The following KCTD7 variants were observed in gnomAD, a reference collection of about 807,000 sequenced individuals.
The protein encoded by KCTD7 is BTB/POZ domain-containing protein KCTD7.
Under a neutral mutation model 27.0 loss-of-function variants are expected in KCTD7, and 15 were observed. That is an observed-to-expected ratio of 0.56 (90% CI 0.37 to 0.86). The LOEUF (loss-of-function observed/expected upper bound fraction) is 0.86, where lower values mean the gene tolerates loss of function less well. KCTD7 is among the 40% of genes least tolerant of loss of function. KCTD7 has a pLI of 0.00. For synonymous variants in KCTD7, 159 were observed against 162.7 expected, an observed-to-expected ratio of 0.98 and a Z score of 0.17; for missense variants, 299 against 398.9, an observed-to-expected ratio of 0.75 and a Z score of 2.13.
At chr7:66,635,321 G>T (rs1786561587) in intron 2 of KCTD7, among the ~76,000 whole-genome samples, 1 of 152,124 alleles carries the variant, frequency 6.6e-6, no homozygotes, top group Admixed American at 6.6e-5. Flanking sequence ...CGGCCCGGCC[G>T]AGACTCTGTG....
intron 2 of KCTD7, among the ~76,000 whole-genome samples, 163 bp from the exon 3 acceptor site, chr7:66,638,090 T>TC (rs1786627761): frequency 6.6e-6 from 1 of 152,226 alleles, no homozygotes; most frequent in Non-Finnish European, 1.5e-5. Flanking sequence ...TATTGTTTTC[T>TC]CCAATTTTAC....
At position 66,641,063 on chromosome 7, in the gene KCTD7, T is replaced by C; in HGVS notation, c.*1831T>C. ...AGGGCGTGGTTTTGCACTCCTGTTG[T>C]ACTCTTTTAGAGGTGGAAAAGAGGT... On this transcript the variant is annotated 3_prime_UTR_variant, in exon 4 of 4. Coordinates refer to ENST00000639828, the MANE Select transcript of KCTD7 (RefSeq NM_153033.5). 1 of 985,386 alleles carries C rather than the reference T, an allele frequency of 1.0e-6. No homozygotes were observed. The highest frequency in any genetic ancestry group is 1.2e-6 in the Non-Finnish European group (1 of 829,912). 61.0% of individuals were successfully genotyped at this position (985,386 alleles called of 1,614,324 possible).
In KCTD7 at chr7:66,641,790, G is replaced by A; in HGVS notation, c.*2558G>A. 2 of 985,466 alleles carry A rather than the reference G, an allele frequency of 2.0e-6. No homozygotes were observed. The highest frequency in any genetic ancestry group is 2.4e-6 in the Non-Finnish European group (2 of 829,954). 61.0% of individuals were successfully genotyped at this position (985,466 alleles called of 1,614,324 possible). A position where few individuals can be genotyped will look rare whatever the true frequency, so the allele number is the denominator to read the frequency against. On this transcript the variant is annotated 3_prime_UTR_variant, in exon 4 of 4. Coordinates refer to ENST00000639828, the MANE Select transcript of KCTD7 (RefSeq NM_153033.5). ...AGGCTGAAAAGTGCAATTAGATGTG[G>A]TGGATTGTGGTAACGGCCTCCAGAT... is the stretch of plus-strand genomic sequence containing the variant.
chr7:66,642,153 A>G lies in KCTD7; in HGVS notation c.*2921A>G, dbSNP rs1323674134. On this transcript the variant is annotated 3_prime_UTR_variant, in exon 4 of 4. Transcript: ENST00000639828. Reference sequence around the variant, plus strand: ...AAATAAAAAAGCTAATGTTATAGCAACAAAAAAAGACTGAAGCAAAACCAC... The same window carrying G: ...AAATAAAAAAGCTAATGTTATAGCAGCAAAAAAAGACTGAAGCAAAACCAC... 2.1e-5 allele frequency: 21 copies of G among 985,326 alleles called. No individual in the cohort carries two copies. The South Asian group carries it at 3.8e-4, about 18-fold the overall frequency. The allele number at this position is 985,326 out of a possible 1,614,324, so 61.0% of individuals were successfully genotyped here.
chr7:66,632,263 G>T (rs961893546), intron 1 of KCTD7, among the ~76,000 whole-genome samples: 1 of 151,840 alleles, frequency 6.6e-6, no homozygotes, highest in Non-Finnish European at 1.5e-5. Flanking sequence ...CAAGGCGGGC[G>T]GATCATGAGG....
In KCTD7 at chr7:66,641,802, A is replaced by G; in HGVS notation, c.*2570A>G. 1 of 985,484 alleles carries G rather than the reference A, an allele frequency of 1.0e-6. No homozygotes were observed. Among genetic ancestry groups the G allele is most frequent in the Non-Finnish European group, 1.2e-6 (1 of 829,950 alleles). The allele number at this position is 985,484 out of a possible 1,614,324, so 61.0% of individuals were successfully genotyped here. ...GCAATTAGATGTGGTGGATTGTGGT[A>G]ACGGCCTCCAGATAAAGGGGTTATC... On this transcript the variant is annotated 3_prime_UTR_variant, in exon 4 of 4. Transcript: ENST00000639828.
Position 66,642,962 on chromosome 7 carries a change from C to G in KCTD7, c.*3730C>G. The stretch of plus-strand genomic sequence containing the variant: ...GTTTATGTACACACTATAACACTTC[C>G]TGTGTGAGTTCATGTACCTGTCTGT... On this transcript the variant is annotated 3_prime_UTR_variant, in exon 4 of 4. Coordinates refer to ENST00000639828, the MANE Select transcript of KCTD7 (RefSeq NM_153033.5). 30 of 985,304 alleles carry G rather than the reference C, an allele frequency of 3.0e-5. No individual in the cohort carries two copies. The highest frequency in any genetic ancestry group is 3.4e-5 in the Non-Finnish European group (28 of 829,910). 61.0% of individuals were successfully genotyped at this position (985,304 alleles called of 1,614,324 possible). A position where few individuals can be genotyped will look rare whatever the true frequency, so the allele number is the denominator to read the frequency against.
rs1786375579 is a variant in KCTD7 at position 66,628,953 on chromosome 7, C to G, written c.-112C>G. 4.4e-6 allele frequency: 5 copies of G among 1,148,038 alleles called. No individual in the cohort carries two copies. The highest frequency in any genetic ancestry group is 3.7e-5 in the Admixed American group (1 of 26,702). 71.1% of individuals were successfully genotyped at this position (1,148,038 alleles called of 1,614,324 possible). A position where few individuals can be genotyped will look rare whatever the true frequency, so the allele number is the denominator to read the frequency against. On this transcript the variant is annotated 5_prime_UTR_variant, in exon 1 of 4. Coordinates refer to ENST00000639828, the MANE Select transcript of KCTD7 (RefSeq NM_153033.5). ...CTGCGCACTGCCTCTCGCCCCCCTCCGGCCAGCCCGCAGCCGGCCGCGTCA... is the reference window on the plus strand; with the variant it reads ...CTGCGCACTGCCTCTCGCCCCCCTCGGGCCAGCCCGCAGCCGGCCGCGTCA...
intron 2 of KCTD7, among the ~76,000 whole-genome samples, chr7:66,634,113 C>CATACATATAT (rs1554397950): frequency 7.6e-6 from 1 of 132,260 alleles, no homozygotes; most frequent in Non-Finnish European, 1.5e-5. Context: ...TGTGTGTATA[C>CATACATATAT]ATATATATAT....
At chr7:66,631,998 C>T (rs147008930) in intron 1 of KCTD7, among the ~76,000 whole-genome samples, 29 of 152,206 alleles carry the variant, frequency 1.9e-4, no homozygotes, top group African/African-American at 5.8e-4. Flanking sequence ...GGCGATGTAT[C>T]GTGCTAGGTG....
At chr7:66,629,267 G>A (rs1052586558) in intron 1 of KCTD7, 59 bp downstream of exon 1, 3 of 1,140,908 alleles carry the variant, frequency 2.6e-6, no homozygotes, top group Non-Finnish European at 3.3e-6. Context: ...AGAAGCGGGC[G>A]CGGGGCATAG....
chr7:66,632,282 T>G (rs1468044223), intron 1 of KCTD7, among the ~76,000 whole-genome samples: 4 of 150,824 alleles, frequency 2.7e-5, no homozygotes, highest in Admixed American at 2.0e-4. Context: ...GGTCAGGAGA[T>G]CGAGACAATC....
At chr7:66,643,224 TG>T, downstream of KCTD7, 4 of 984,844 alleles carry the variant, frequency 4.1e-6, no homozygotes, top group Non-Finnish European at 4.8e-6. Context: ...GAAAGGGAGG[TG>T]GGCCTCTTGA....
Position 66,641,144 on chromosome 7 carries a change from T to A in KCTD7, c.*1912T>A. On this transcript the variant is annotated 3_prime_UTR_variant, in exon 4 of 4. Coordinates refer to ENST00000639828, the MANE Select transcript of KCTD7 (RefSeq NM_153033.5). ...CATTCACGTTCTGAGATATGCGCTC[T>A]CTCTATTGTTCTCGTACACAAAGGG... 1 of 985,426 alleles carries A rather than the reference T, an allele frequency of 1.0e-6. No individual in the cohort carries two copies. Among genetic ancestry groups the A allele is most frequent in the Non-Finnish European group, 1.2e-6 (1 of 829,950 alleles). The allele number at this position is 985,426 out of a possible 1,614,324, so 61.0% of individuals were successfully genotyped here.
chr7:66,639,362 C>T lies in KCTD7; in HGVS notation c.*130C>T. ...GAGGTGAGAACAGCATCCTGAGGCA[C>T]AGCTCCCAGGGGACAGAGGTGTAGC... On this transcript the variant is annotated 3_prime_UTR_variant, in exon 4 of 4. Coordinates refer to ENST00000639828, the MANE Select transcript of KCTD7 (RefSeq NM_153033.5). 6.4e-7 allele frequency: 1 copy of T among 1,558,844 alleles called. No individual in the cohort carries two copies. Among genetic ancestry groups the T allele is most frequent in the Non-Finnish European group, 8.6e-7 (1 of 1,157,934 alleles).
At chr7:66,636,784 GA>G (rs1001285171) in intron 2 of KCTD7, among the ~76,000 whole-genome samples, 1 of 151,612 alleles carries the variant, frequency 6.6e-6, no homozygotes, top group Non-Finnish European at 1.5e-5. Context: ...TAAAAAAGAA[GA>G]AAAAAAATCT....
intron 1 of KCTD7, 46 bp from the exon 2 acceptor site, chr7:66,633,229 C>T: frequency 6.2e-7 from 1 of 1,603,940 alleles, no homozygotes; most frequent in South Asian, 1.1e-5. Flanking sequence ...AGCCCCAGCT[C>T]TCATTCCCCG....
At position 66,639,599 on chromosome 7, in the gene KCTD7, A is replaced by G; in HGVS notation, c.*367A>G. On this transcript the variant is annotated 3_prime_UTR_variant, in exon 4 of 4. Transcript: ENST00000639828. ...ATTTTAGAGCCACGTTACCAAATCG[A>G]TGTAGGCCTAATCACTTCCTCAACC... The G allele has an allele frequency of 8.9e-6, 12 of 1,349,482 alleles. No individual in the cohort carries two copies. The highest frequency in any genetic ancestry group is 1.1e-5 in the Non-Finnish European group (12 of 1,046,494). 83.6% of individuals were successfully genotyped at this position (1,349,482 alleles called of 1,614,324 possible).
chr7:66,642,387 C>T lies in KCTD7; in HGVS notation c.*3155C>T. 3 of 985,152 alleles carry T rather than the reference C, an allele frequency of 3.0e-6. No homozygotes were observed. Among genetic ancestry groups the T allele is most frequent in the Non-Finnish European group, 3.6e-6 (3 of 829,728 alleles). The allele number at this position is 985,152 out of a possible 1,614,324, so 61.0% of individuals were successfully genotyped here. A position where few individuals can be genotyped will look rare whatever the true frequency, so the allele number is the denominator to read the frequency against. ...TCTGGGAGCTGTCTGAGCCTTGTGC[C>T]TAAGGCTTATCAGGTGATATAATCT... On this transcript the variant is annotated 3_prime_UTR_variant, in exon 4 of 4. Coordinates refer to ENST00000639828, the MANE Select transcript of KCTD7 (RefSeq NM_153033.5).
Sources: allele counts gnomAD v4.1 joint callset (sites outside exome capture counted in the v4.1 genomes callset), GRCh38; gene constraint gnomAD v4.1.1; transcripts MANE v1.5; gene names NCBI Gene and HGNC (gene_info 2026-07-23, HGNC 2026-07-21).